The following TRIM61 variants were observed in gnomAD, a reference collection of about 807,000 sequenced individuals.
TRIM61 encodes the protein putative tripartite motif-containing protein 61.
In TRIM61, 1 loss-of-function variant was observed where a neutral mutation model predicts 14.2. The ratio of observed to expected loss-of-function variants is 0.07; its 90% CI spans 0.03 to 0.33. TRIM61 has a LOEUF of 0.33. TRIM61 is among the 10% of genes least tolerant of loss of function. The pLI, the probability that TRIM61 is intolerant of heterozygous loss-of-function variation, is 0.99. For synonymous variants in TRIM61, 8 were observed against 71.6 expected, an observed-to-expected ratio of 0.11 and a Z score of 4.49; for missense variants, 19 against 202.2, an observed-to-expected ratio of 0.09 and a Z score of 5.49.
At chr4:164,974,792 C>T (rs28633542) in intron 2 of TRIM61, among the ~76,000 whole-genome samples, 51,246 of 152,070 alleles carry the variant, frequency 0.34, 9,010 homozygotes, top group African/African-American at 0.41. Context: ...CCACACTAAG[C>T]GTGGCTATGG....
At chr4:164,959,237 T>C (rs1276557431) in intron 3 of TRIM61, 1 of 163,958 alleles carries the variant, frequency 6.1e-6, no homozygotes, top group East Asian at 1.9e-4. Flanking sequence ...TAGTGCTCAA[T>C]CTCCTGAAGC....
chr4:164,959,422 C>T (rs927842274), intron 3 of TRIM61, among the ~76,000 whole-genome samples: 1 of 151,830 alleles, frequency 6.6e-6, no homozygotes, highest in East Asian at 1.9e-4. Context: ...TTCTTCCCTT[C>T]TTTTGGTGAG....
At chr4:164,973,712 T>C (rs1463714492) in intron 2 of TRIM61, among the ~76,000 whole-genome samples, 1 of 152,210 alleles carries the variant, frequency 6.6e-6, no homozygotes, top group East Asian at 1.9e-4. Flanking sequence ...GTCCTTGGCA[T>C]TTAACCCATG....
At chr4:164,972,380 C>T (rs1332349023) in intron 2 of TRIM61, among the ~76,000 whole-genome samples, 1 of 151,450 alleles carries the variant, frequency 6.6e-6, no homozygotes, top group African/African-American at 2.5e-5. Flanking sequence ...TGGATCCAAA[C>T]AAGAGCCATG....
chr4:164,973,489 T>C (rs1732415095), intron 2 of TRIM61, among the ~76,000 whole-genome samples: 1 of 152,206 alleles, frequency 6.6e-6, no homozygotes, highest in Non-Finnish European at 1.5e-5. Flanking sequence ...ATGGGCTTAC[T>C]GATCCAACAC....
At chr4:164,960,332 C>T (rs911267628) in intron 3 of TRIM61, among the ~76,000 whole-genome samples, 10 of 151,890 alleles carry the variant, frequency 6.6e-5, no homozygotes, top group African/African-American at 2.4e-4. Flanking sequence ...ATCACGAGGT[C>T]AGGAGTTCAA....
chr4:164,970,342 A>C lies in TRIM61; in HGVS notation c.-337-3T>G, dbSNP rs146277835. 6,576 of 255,514 alleles carry C rather than the reference A, an allele frequency of 0.026. 124 individuals are homozygous for C. The highest frequency in any genetic ancestry group is 0.031 in the Non-Finnish European group (4,169 of 133,392). 15.8% of individuals were successfully genotyped at this position (255,514 alleles called of 1,614,324 possible). ...AGGTCCAAGATAGGGAATCCTTCCT[A>C]TGAGTAAGAAAAGACACCACGTTAA... On this transcript the variant is annotated splice_region_variant and splice_polypyrimidine_tract_variant and intron_variant, in intron 2 of 4. Coordinates refer to ENST00000329314, the MANE Select transcript of TRIM61 (RefSeq NM_001012414.3).
intron 3 of TRIM61, chr4:164,958,703 G>T (rs954445898): frequency 6.0e-6 from 1 of 166,490 alleles, no homozygotes; most frequent in Non-Finnish European, 1.5e-5. Flanking sequence ...ATAATTCAAT[G>T]CTTCCCACAT....
At chr4:164,964,864 G>C (rs1251100578) in intron 3 of TRIM61, among the ~76,000 whole-genome samples, 3 of 152,202 alleles carry the variant, frequency 2.0e-5, no homozygotes, top group Non-Finnish European at 4.4e-5. Flanking sequence ...AAGCCACTGA[G>C]TTTATAGATC....
At chr4:164,969,104 T>C in intron 3 of TRIM61, 1 of 1,106,974 alleles carries the variant, frequency 9.0e-7, no homozygotes, top group Non-Finnish European at 1.1e-6. Context: ...TGTTTCAGGA[T>C]CTAGAATTAC....
At chr4:164,956,903 C>T in intron 3 of TRIM61, 2 of 1,013,598 alleles carry the variant, frequency 2.0e-6, no homozygotes, top group Non-Finnish European at 2.8e-6. Flanking sequence ...TAGCGGAAGT[C>T]GGAGCGGCAG....
chr4:164,962,692 T>TAA (rs145808366), intron 3 of TRIM61, among the ~76,000 whole-genome samples: 23,656 of 139,622 alleles, frequency 0.17, 2,617 homozygotes, highest in East Asian at 0.6. Flanking sequence ...CAAGAAATGT[T>TAA]AAAAAAAAAA....
rs200702162 is a variant in TRIM61, at chr4:164,959,585, A to G, written c.526-4489T>C. The stretch of plus-strand genomic sequence containing the variant: ...TGAAGGCCACACATGCCTGAGACCA[A>G]AGTTCAGAGTGCTTGCCCATGACTC... On this transcript the variant is annotated intron_variant, in intron 3 of 4. Coordinates refer to ENST00000329314, the MANE Select transcript of TRIM61 (RefSeq NM_001012414.3). Among the ~76,000 whole-genome samples, 113 of 151,806 alleles carry G rather than the reference A, an allele frequency of 7.4e-4. 3 individuals carry two copies. In the East Asian group the frequency reaches 0.02, roughly 26 times the overall value.
At position 164,976,773 on chromosome 4, in the gene TRIM61, C is replaced by G. The variant is rs1732493196; in HGVS notation, c.-423G>C. 1 of 152,216 alleles carries G rather than the reference C, an allele frequency of 6.6e-6. No individual in the cohort carries two copies. The highest frequency in any genetic ancestry group is 1.5e-5 in the Non-Finnish European group (1 of 68,046). The allele number at this position is 152,216 out of a possible 1,614,324, so 9.4% of individuals were successfully genotyped here. A position where few individuals can be genotyped will look rare whatever the true frequency, so the allele number is the denominator to read the frequency against. ...CTGACTCAGTAGGGCTGGTTTTTTC[C>G]TAAGTTCCCAGATGATGCTGCTGGC... On this transcript the variant is annotated 5_prime_UTR_variant, in exon 2 of 5. Transcript: ENST00000329314.
intron 2 of TRIM61, among the ~76,000 whole-genome samples, chr4:164,974,607 C>G (rs11100586): frequency 0.75 from 113,843 of 152,028 alleles, 42,935 homozygotes; most frequent in East Asian, 0.91. Context: ...GGCCGGGAGT[C>G]GTGGCTTCAG....
In TRIM61 at chr4:164,968,357, AAT is replaced by A. The variant is rs140432172; in HGVS notation, c.525+1119_525+1120del. The A allele has an allele frequency of 3.4e-3, 3,331 of 969,358 alleles. 97 individuals are homozygous for A. In the African/African-American group the frequency reaches 0.053, roughly 16 times the overall value. The allele number at this position is 969,358 out of a possible 1,614,324, so 60.0% of individuals were successfully genotyped here. On this transcript the variant is annotated intron_variant, in intron 3 of 4. Transcript: ENST00000329314. ...TTCTTACATAATACATTTCTTCAGT[AAT>A]ATATGTTTCAAGTATTTTACTGTAG...
At chr4:164,960,533 C>T (rs751982721) in intron 3 of TRIM61, among the ~76,000 whole-genome samples, 12 of 147,414 alleles carry the variant, frequency 8.1e-5, no homozygotes, top group East Asian at 2.0e-4. Context: ...CCAATCCGGG[C>T]GACAGAGTAA....
chr4:164,957,016 A>G, intron 3 of TRIM61: 1 of 1,495,182 alleles, frequency 6.7e-7, no homozygotes, highest in South Asian at 1.4e-5. Flanking sequence ...GCCATGTACC[A>G]CAGTGGATGG....
At chr4:164,957,840 G>C (rs1732047276) in intron 3 of TRIM61, 1 of 206,482 alleles carries the variant, frequency 4.8e-6, no homozygotes, top group Non-Finnish European at 1.1e-5. Flanking sequence ...CAAATAATTA[G>C]TAACTGATAT....
Sources: allele counts gnomAD v4.1 joint callset (sites outside exome capture counted in the v4.1 genomes callset), GRCh38; gene constraint gnomAD v4.1.1; transcripts MANE v1.5; gene names NCBI Gene and HGNC (gene_info 2026-07-23, HGNC 2026-07-21).